Variants in POMT2 observed in about 807,000 individuals in gnomAD.
POMT2 encodes the protein protein O-mannosyltransferase 2, also known as protein O-mannosyl-transferase 2.
A neutral mutation model predicts 100.0 loss-of-function variants in POMT2; 75 were observed. The observed-to-expected ratio is 0.75, with a 90% CI of 0.62 to 0.91. The LOEUF is 0.91. Among genes scored for constraint, POMT2 ranks in the 40% least tolerant of loss-of-function variants. POMT2 has a pLI of 0.00. For synonymous variants in POMT2, 378 were observed against 374.1 expected, an observed-to-expected ratio of 1.01 and a Z score of -0.12; for missense variants, 940 against 955.1, an observed-to-expected ratio of 0.98 and a Z score of 0.21.
chr14:77,299,129 C>A (rs780214271), intron 7 of POMT2, among the ~76,000 whole-genome samples: 1 of 152,212 alleles, frequency 6.6e-6, no homozygotes, highest in Non-Finnish European at 1.5e-5. Context: ...GCTGTTGCCG[C>A]CGGAGTTACT....
In POMT2 at chr14:77,288,842, G is replaced by GAAAA; in HGVS notation, c.1184-12_1184-11insTTTT. 6.2e-7 allele frequency: 1 copy of GAAAA among 1,613,238 alleles called. No homozygotes were observed. Among genetic ancestry groups the GAAAA allele is most frequent in the Non-Finnish European group, 8.5e-7 (1 of 1,179,414 alleles). On this transcript the variant is annotated splice_polypyrimidine_tract_variant and intron_variant, in intron 10 of 20. Coordinates refer to ENST00000261534, the MANE Select transcript of POMT2 (RefSeq NM_013382.7). ...AAGGGTCTAGGGGATCTGCCAAAAA[G>GAAAA]AAACAAGCATTGATATCCAAAATCA... is the stretch of plus-strand genomic sequence containing the variant.
At position 77,286,735 on chromosome 14, in the gene POMT2, C is replaced by T; in HGVS notation, c.1332+9G>A. 1 of 1,612,204 alleles carries T rather than the reference C, an allele frequency of 6.2e-7. No individual in the cohort carries two copies. Among genetic ancestry groups the T allele is most frequent in the Non-Finnish European group, 8.5e-7 (1 of 1,178,192 alleles). ...TTACGTCCTACTCACATCCCCGTTG[C>T]TTACTTACTATGCCATAGCCGGTGA... On this transcript the variant is annotated intron_variant, in intron 12 of 20. Coordinates refer to ENST00000261534, the MANE Select transcript of POMT2 (RefSeq NM_013382.7).
chr14:77,320,474 C>T lies in POMT2; in HGVS notation c.208G>A (p.Ala70Thr). The T allele has an allele frequency of 6.5e-7, 1 of 1,545,544 alleles. No homozygotes were observed. The highest frequency in any genetic ancestry group is 8.7e-7 in the Non-Finnish European group (1 of 1,147,384). The change falls in exon 1 of 21, where the codon GCC becomes ACC. Residue 70 changes from alanine to threonine, a missense_variant. Physicochemically the swap from Ala to Thr is moderately conservative, Grantham distance 58. Coordinates refer to ENST00000261534, the MANE Select transcript of POMT2 (RefSeq NM_013382.7). ...TCGTCCAAGCGGTGGAAGCGGGTGG[C>T]GAAGGACAGCAGCGTCACCAAGGCC... is the stretch of plus-strand genomic sequence containing the variant. ...LLALVTLLSF[A>T]TRFHRLDEPP...
At chr14:77,313,084 G>A (rs1344159329) in intron 1 of POMT2, among the ~76,000 whole-genome samples, 3 of 152,192 alleles carry the variant, frequency 2.0e-5, no homozygotes, top group Non-Finnish European at 4.4e-5. Flanking sequence ...CTTTGGGAAC[G>A]CAGCCAAGTC....
At chr14:77,313,298 A>G (rs1231622803) in intron 1 of POMT2, among the ~76,000 whole-genome samples, 1 of 152,258 alleles carries the variant, frequency 6.6e-6, no homozygotes, top group Non-Finnish European at 1.5e-5. Context: ...GAATAGGTCT[A>G]TTTCAGCATC....
At chr14:77,307,504 C>T (rs374310723) in intron 2 of POMT2, among the ~76,000 whole-genome samples, 2 of 152,212 alleles carry the variant, frequency 1.3e-5, no homozygotes, top group African/African-American at 4.8e-5. Context: ...ATCCAAATAG[C>T]TAGATGAACT....
At chr14:77,288,391 C>T (rs1890513655) in intron 11 of POMT2, among the ~76,000 whole-genome samples, 1 of 152,266 alleles carries the variant, frequency 6.6e-6, no homozygotes, top group Admixed American at 6.5e-5. Context: ...GCTTTGGGAG[C>T]TGGGTGTGAT....
intron 1 of POMT2, among the ~76,000 whole-genome samples, chr14:77,315,292 T>C (rs1891585052): frequency 6.6e-6 from 1 of 152,094 alleles, no homozygotes; most frequent in African/African-American, 2.4e-5. Context: ...GCAAGCCTAG[T>C]GAAGAGCTAA....
chr14:77,286,670 G>T (rs1890433511), intron 12 of POMT2, 74 bp downstream of exon 12: 3 of 1,590,172 alleles, frequency 1.9e-6, no homozygotes, highest in Non-Finnish European at 2.6e-6. Context: ...CTGGGGAGGA[G>T]ATATCCCACC....
chr14:77,305,722 G>A (rs991367957), intron 3 of POMT2, among the ~76,000 whole-genome samples: 1 of 152,226 alleles, frequency 6.6e-6, no homozygotes, highest in Admixed American at 6.5e-5. Context: ...ACACGTTCAA[G>A]GTTCCCAAAG....
At chr14:77,296,047 G>C in intron 9 of POMT2, 117 bp downstream of exon 9, 1 of 855,984 alleles carries the variant, frequency 1.2e-6, no homozygotes, top group Admixed American at 2.0e-5. Context: ...AGGGTGCAGG[G>C]CTAGGAAGAA....
rs577337875 is a variant in POMT2, at chr14:77,304,208, C to T, written c.547+484G>A. On this transcript the variant is annotated intron_variant, in intron 4 of 20. Transcript: ENST00000261534. ...AAGCTAGCAACAGGATCAACTTCTA[C>T]GATGAACTCTCATTTATCCATGTGA... is the stretch of plus-strand genomic sequence containing the variant. Among the ~76,000 whole-genome samples, 8 of 152,336 alleles carry T rather than the reference C, an allele frequency of 5.3e-5. No individual in the cohort carries two copies. In the East Asian group the frequency reaches 5.8e-4, roughly 11 times the overall value.
chr14:77,288,190 C>A (rs976508832), intron 11 of POMT2, among the ~76,000 whole-genome samples: 12 of 152,210 alleles, frequency 7.9e-5, no homozygotes. Flanking sequence ...TCTCTGGATT[C>A]CTCATTTCAC....
chr14:77,303,064 A>G, intron 4 of POMT2, 121 bp from the exon 5 acceptor site: 1 of 768,952 alleles, frequency 1.3e-6, no homozygotes, highest in Non-Finnish European at 2.3e-6. Context: ...GCACTTGTGC[A>G]GTCAGGACTA....
chr14:77,287,398 A>G (rs1890463869), intron 11 of POMT2: 2 of 151,852 alleles, frequency 1.3e-5, no homozygotes, highest in South Asian at 2.1e-4. Context: ...GTAAAATTTA[A>G]TTACAATAAA....
intron 9 of POMT2, among the ~76,000 whole-genome samples, chr14:77,295,549 G>A (rs887973739): frequency 6.0e-5 from 9 of 150,956 alleles, no homozygotes; most frequent in African/African-American, 9.8e-5. Context: ...GGAGAATGGC[G>A]TGAACCCGGG....
At chr14:77,304,271 C>T (rs73311333) in intron 4 of POMT2, among the ~76,000 whole-genome samples, 13,333 of 152,224 alleles carry the variant, frequency 0.088, 733 homozygotes, top group South Asian at 0.19. Context: ...TATCTCTTGC[C>T]ACCCAGCTAC....
intron 2 of POMT2, among the ~76,000 whole-genome samples, chr14:77,310,333 T>C (rs959225000): frequency 6.6e-6 from 1 of 152,224 alleles, no homozygotes; most frequent in South Asian, 2.1e-4. Context: ...CTTCCTTCAG[T>C]TCCCCATCTG....
intron 1 of POMT2, among the ~76,000 whole-genome samples, chr14:77,316,800 A>C (rs1891647494): frequency 6.6e-6 from 1 of 152,214 alleles, no homozygotes; most frequent in Admixed American, 6.5e-5. Context: ...AAGCAGCAGC[A>C]GGCACTTAGC....
Sources: gnomAD v4.1 joint callset for allele counts (sites outside exome capture counted in the v4.1 genomes callset) on GRCh38, gnomAD v4.1.1 for gene constraint, MANE v1.5 for transcripts, NCBI Gene and HGNC (gene_info 2026-07-23, HGNC 2026-07-21) for gene names.